R3HDM1: variants seen among roughly 807,000 people sequenced by gnomAD.
R3HDM1 encodes R3H domain-containing protein 1.
In R3HDM1, 46 loss-of-function variants were observed where a neutral mutation model predicts 141.1. The ratio of observed to expected loss-of-function variants is 0.33; its 90% CI spans 0.26 to 0.42. R3HDM1 has a LOEUF of 0.42. R3HDM1 is among the 10% of genes least tolerant of loss of function. The probability of loss-of-function intolerance (pLI) is 1.00; values close to 1 mark genes in which losing one functional copy is unlikely to be tolerated. For missense variants in R3HDM1, 1,184 were observed against 1,368.3 expected, an observed-to-expected ratio of 0.87 and a Z score of 2.12; for synonymous variants, 435 against 472.9, an observed-to-expected ratio of 0.92 and a Z score of 1.04.
At chr2:135,603,283 C>G (rs1574256301) in intron 2 of R3HDM1, among the ~76,000 whole-genome samples, 1 of 152,170 alleles carries the variant, frequency 6.6e-6, no homozygotes, top group Admixed American at 6.5e-5. Context: ...AACCACTGCA[C>G]CTGGCCCTAA....
chr2:135,550,345 A>ATCTT (rs2104925640), intron 1 of R3HDM1: 1 of 603,810 alleles, frequency 1.7e-6, no homozygotes, highest in East Asian at 1.4e-4. Context: ...CAGCTACTCT[A>ATCTT]CCATGTTTTT....
intron 17 of R3HDM1, 162 bp downstream of exon 17, chr2:135,650,165 A>G (rs957980927): frequency 8.2e-6 from 8 of 971,628 alleles, no homozygotes; most frequent in Middle Eastern, 1.1e-3. Flanking sequence ...GAAATAATTT[A>G]TTCCATAAAA....
intron 3 of R3HDM1, among the ~76,000 whole-genome samples, chr2:135,611,428 C>G (rs1460867135): frequency 6.6e-6 from 1 of 152,050 alleles, no homozygotes; most frequent in South Asian, 2.1e-4. Context: ...TGTAATGTAC[C>G]TAGTACATAG....
intron 1 of R3HDM1, among the ~76,000 whole-genome samples, chr2:135,562,001 A>G (rs1334053498): frequency 1.3e-5 from 2 of 152,224 alleles, no homozygotes; most frequent in African/African-American, 2.4e-5. Context: ...GGAAAAATTG[A>G]CAAAGTTAGT....
intron 19 of R3HDM1, among the ~76,000 whole-genome samples, chr2:135,663,615 T>C (rs960849804): frequency 1.3e-4 from 20 of 152,234 alleles, no homozygotes; most frequent in Non-Finnish European, 2.5e-4. Context: ...CAGTGCCAAC[T>C]GTTGTGTTGG....
At chr2:135,540,011 C>A (rs764656130) in intron 1 of R3HDM1, among the ~76,000 whole-genome samples, 4 of 152,218 alleles carry the variant, frequency 2.6e-5, no homozygotes, top group Non-Finnish European at 5.9e-5. Context: ...GAACTTCTTT[C>A]AAAATTGTAG....
chr2:135,717,816 C>T (rs750026284), intron 24 of R3HDM1, among the ~76,000 whole-genome samples: 1 of 152,220 alleles, frequency 6.6e-6, no homozygotes, highest in Non-Finnish European at 1.5e-5. Flanking sequence ...TCATTTACCA[C>T]ATAACCCAGC....
chr2:135,604,667 TTA>T, intron 2 of R3HDM1, 137 bp from the exon 3 acceptor site: 1 of 594,480 alleles, frequency 1.7e-6, no homozygotes, highest in South Asian at 1.9e-5. Flanking sequence ...TAGCACAAAA[TTA>T]TATACTCCTT....
chr2:135,673,057 A>C (rs2068639412), intron 19 of R3HDM1, among the ~76,000 whole-genome samples: 1 of 152,224 alleles, frequency 6.6e-6, no homozygotes, highest in East Asian at 1.9e-4. Context: ...CAGTGAGCCA[A>C]GATTGCACCA....
chr2:135,575,390 C>T lies in R3HDM1; in HGVS notation c.-249-27110C>T, dbSNP rs1336060271. 3.3e-5 allele frequency among the ~76,000 whole-genome samples: 5 copies of T among 152,250 alleles called. No homozygotes were observed. In the East Asian group the frequency reaches 9.7e-4, roughly 29 times the overall value. On this transcript the variant is annotated intron_variant, in intron 1 of 26. Coordinates refer to ENST00000683871, the MANE Select transcript of R3HDM1 (RefSeq NM_001378107.1). ...AGAGACAGGGTTTCACCATGTTGGC[C>T]AGGCTGGTCTCGAACTCCTGACCTC...
chr2:135,550,970 T>C (rs1424037082), intron 1 of R3HDM1, among the ~76,000 whole-genome samples: 1 of 152,254 alleles, frequency 6.6e-6, no homozygotes, highest in Non-Finnish European at 1.5e-5. Context: ...AAATTACATA[T>C]GCACTTAGAA....
At chr2:135,595,366 T>C (rs1710402428) in intron 1 of R3HDM1, among the ~76,000 whole-genome samples, 1 of 152,214 alleles carries the variant, frequency 6.6e-6, no homozygotes, top group Admixed American at 6.5e-5. Context: ...CTTGCTATTA[T>C]ATTAATCTAT....
rs1444476367 is a variant in R3HDM1 at position 135,622,254 on chromosome 2, C to T, written c.419-400C>T. ...TCCAAATTATTGCCTCCATTATATTCATATCTGAACTAAGCTGTCTTAATT... is the reference window on the plus strand; with the variant it reads ...TCCAAATTATTGCCTCCATTATATTTATATCTGAACTAAGCTGTCTTAATT... On this transcript the variant is annotated intron_variant, in intron 6 of 26. Transcript: ENST00000683871. 3.1e-6 allele frequency: 3 copies of T among 982,880 alleles called. No homozygotes were observed. The African/African-American group carries it at 5.2e-5, about 17-fold the overall frequency. The allele number at this position is 982,880 out of a possible 1,614,324, so 60.9% of individuals were successfully genotyped here.
chr2:135,707,392 A>T (rs543524241), intron 21 of R3HDM1, among the ~76,000 whole-genome samples: 1 of 152,198 alleles, frequency 6.6e-6, no homozygotes, highest in Non-Finnish European at 1.5e-5. Flanking sequence ...TGAATTATCT[A>T]TACGTCTCTC....
rs41269819 is a variant in R3HDM1, at chr2:135,661,478, C to G, written c.2152+85C>G. 4.3e-3 allele frequency: 6,387 copies of G among 1,476,624 alleles called. 50 individuals are homozygous for G. The highest frequency in any genetic ancestry group is 4.2e-3 in the South Asian group (355 of 83,614). 91.5% of individuals were successfully genotyped at this position (1,476,624 alleles called of 1,614,324 possible). On this transcript the variant is annotated intron_variant, in intron 19 of 26. Coordinates refer to ENST00000683871, the MANE Select transcript of R3HDM1 (RefSeq NM_001378107.1). ...AGTGTTGCTCTTAAGATAGTACCTA[C>G]TCAGTCTCTCAGGATCTCGAATATG...
intron 14 of R3HDM1, among the ~76,000 whole-genome samples, chr2:135,640,672 T>C (rs970783436): frequency 6.6e-6 from 1 of 152,218 alleles, no homozygotes; most frequent in African/African-American, 2.4e-5. Flanking sequence ...CATAGTTGTT[T>C]CATTCATTAA....
chr2:135,621,431 A>T (rs2061502153), intron 5 of R3HDM1, 63 bp from the exon 6 acceptor site: 2 of 992,146 alleles, frequency 2.0e-6, no homozygotes, highest in Non-Finnish European at 2.9e-6. Context: ...AAAAATATAA[A>T]TGTGTGGTAT....
intron 19 of R3HDM1, among the ~76,000 whole-genome samples, chr2:135,662,647 T>G (rs2066879210): frequency 6.6e-6 from 1 of 152,232 alleles, no homozygotes; most frequent in Non-Finnish European, 1.5e-5. Context: ...TACCTAAAAT[T>G]TAATAACACA....
intron 1 of R3HDM1, among the ~76,000 whole-genome samples, chr2:135,565,328 T>G (rs1016093070): frequency 8.5e-6 from 1 of 117,906 alleles, no homozygotes; most frequent in Admixed American, 7.7e-5. Flanking sequence ...AAAAAATTAT[T>G]ATTATTATTA....
Sources: gnomAD v4.1 joint callset for allele counts (sites outside exome capture counted in the v4.1 genomes callset) on GRCh38, gnomAD v4.1.1 for gene constraint, MANE v1.5 for transcripts, NCBI Gene and HGNC (gene_info 2026-07-23, HGNC 2026-07-21) for gene names.